SLC9D1: variants seen among roughly 807,000 people sequenced by gnomAD.
The protein encoded by SLC9D1 is solute carrier family 9 member D1.
At chr13:113,516,368 C>T in the SLC9D1 span, among the ~76,000 whole-genome samples, 3 of 151,892 alleles carry the variant, frequency 2.0e-5, no homozygotes, top group African/African-American at 7.3e-5. Flanking sequence ...AGTTCAAGAC[C>T]GTCCTGGCCA....
the SLC9D1 span, among the ~76,000 whole-genome samples, chr13:113,519,044 CTTTT>C: frequency 1.5e-5 from 2 of 135,688 alleles, no homozygotes; most frequent in African/African-American, 2.8e-5. Context: ...ATAACAGTAG[CTTTT>C]TTTTTTTTTT....
chr13:113,508,930 G>T, the SLC9D1 span, among the ~76,000 whole-genome samples: 2 of 152,030 alleles, frequency 1.3e-5, no homozygotes, highest in African/African-American at 4.8e-5. Context: ...TGGTGGGTGG[G>T]TCCCCCCGGA....
At chr13:113,506,849 G>C in the SLC9D1 span, among the ~76,000 whole-genome samples, 1 of 152,316 alleles carries the variant, frequency 6.6e-6, no homozygotes, top group East Asian at 1.9e-4. Flanking sequence ...TGAGCAGCGT[G>C]AGCATGTGCT....
At chr13:113,546,870 A>C in the SLC9D1 span, among the ~76,000 whole-genome samples, 1 of 152,194 alleles carries the variant, frequency 6.6e-6, no homozygotes, top group Non-Finnish European at 1.5e-5. This position sits in a 1 kb window ranked among gnomAD's most constrained non-coding sequence, Gnocchi z 7.1. Context: ...TGTGTGAGCC[A>C]AATAAAGGAA....
chr13:113,495,322 A>G, the SLC9D1 span, among the ~76,000 whole-genome samples: 2 of 152,258 alleles, frequency 1.3e-5, no homozygotes, highest in African/African-American at 2.4e-5. Context: ...TACAAGGTAC[A>G]TCAACATTCA....
the SLC9D1 span, among the ~76,000 whole-genome samples, chr13:113,540,664 A>G: frequency 6.6e-6 from 1 of 152,214 alleles, no homozygotes; most frequent in African/African-American, 2.4e-5. Flanking sequence ...GTTTGCAAGT[A>G]TTCTCTCGCA....
At chr13:113,497,761 G>A in the SLC9D1 span, among the ~76,000 whole-genome samples, 4 of 152,356 alleles carry the variant, frequency 2.6e-5, no homozygotes, top group South Asian at 8.3e-4. Context: ...GGTCCTCTCT[G>A]CTCTGGCCTT....
At chr13:113,537,566 CTT>C in the SLC9D1 span, among the ~76,000 whole-genome samples, 1 of 152,250 alleles carries the variant, frequency 6.6e-6, no homozygotes, top group Non-Finnish European at 1.5e-5. Context: ...TTTTCACTCT[CTT>C]AACGGTGTCT....
chr13:113,510,305 G>C, the SLC9D1 span: 5 of 1,614,062 alleles, frequency 3.1e-6, no homozygotes, highest in Non-Finnish European at 4.2e-6. Context: ...GGCTTGCTGT[G>C]GGGGCATCTC....
At chr13:113,503,346 TGTGTG>T in the SLC9D1 span, 202 of 155,196 alleles carry the variant, frequency 1.3e-3, no homozygotes, top group Non-Finnish European at 1.9e-3. Flanking sequence ...ACTGTGTGAT[TGTGTG>T]TGTGTGTGTG....
At chr13:113,500,213 C>G in the SLC9D1 span, 34 of 1,088,778 alleles carry the variant, frequency 3.1e-5, no homozygotes, top group South Asian at 3.1e-4. Flanking sequence ...TCAGTATGAC[C>G]GAGCTTTATC....
chr13:113,546,840 T>G, the SLC9D1 span, among the ~76,000 whole-genome samples: 28 of 152,262 alleles, frequency 1.8e-4, no homozygotes, highest in East Asian at 3.7e-3. This position sits in a 1 kb window ranked among gnomAD's most constrained non-coding sequence, Gnocchi z 7.1. Context: ...GGAGACAACG[T>G]TTCCCATTGT....
At chr13:113,548,187 T>G in the SLC9D1 span, 6 of 1,155,980 alleles carry the variant, frequency 5.2e-6, no homozygotes, top group Non-Finnish European at 7.4e-6. Flanking sequence ...CTACTTGACG[T>G]GTTATTCAGG....
the SLC9D1 span, among the ~76,000 whole-genome samples, chr13:113,531,248 C>T: frequency 3.3e-5 from 5 of 152,220 alleles, no homozygotes; most frequent in Non-Finnish European, 5.9e-5. Context: ...CTCACCTGTC[C>T]GCTGGCCAGA....
the SLC9D1 span, among the ~76,000 whole-genome samples, chr13:113,543,231 G>C: frequency 5.7e-5 from 3 of 52,874 alleles, no homozygotes; most frequent in African/African-American, 2.8e-4. Flanking sequence ...TCCTCCCCCT[G>C]CGCCCCTACC....
At chr13:113,525,394 G>A in the SLC9D1 span, among the ~76,000 whole-genome samples, 1 of 152,180 alleles carries the variant, frequency 6.6e-6, no homozygotes, top group Non-Finnish European at 1.5e-5. Context: ...ATTAGGCATG[G>A]TACGGAATAC....
chr13:113,525,561 T>C, the SLC9D1 span, among the ~76,000 whole-genome samples: 1 of 152,198 alleles, frequency 6.6e-6, no homozygotes, highest in South Asian at 2.1e-4. Context: ...ATCATCATCA[T>C]AGGAGACGAC....
the SLC9D1 span, among the ~76,000 whole-genome samples, chr13:113,495,231 G>A: frequency 2.6e-5 from 4 of 151,924 alleles, no homozygotes; most frequent in South Asian, 2.1e-4. Flanking sequence ...AGGCTGCGTC[G>A]CCCCCCAAAA....
At chr13:113,529,556 A>C in the SLC9D1 span, 1 of 152,358 alleles carries the variant, frequency 6.6e-6, no homozygotes, top group Admixed American at 6.5e-5. Flanking sequence ...AGGCTGAGGC[A>C]GGAGAATCAC....
Sources: gnomAD v4.1 joint callset for allele counts (sites outside exome capture counted in the v4.1 genomes callset) on GRCh38, gnomAD v4.1.1 for gene constraint, Gnocchi (gnomAD v3.1) non-coding constraint, MANE v1.5 for transcripts, NCBI Gene and HGNC (gene_info 2026-07-23, HGNC 2026-07-21) for gene names.